DOCK4: variants seen among roughly 807,000 people sequenced by gnomAD.
The protein encoded by DOCK4 is dedicator of cytokinesis 4.
DOCK4 carries 97 observed loss-of-function variants against 268.1 expected under a neutral mutation model. The ratio of observed to expected loss-of-function variants is 0.36; its 90% CI spans 0.31 to 0.43. The LOEUF (loss-of-function observed/expected upper bound fraction) is 0.43, where lower values mean the gene tolerates loss of function less well. Ranked by LOEUF, DOCK4 falls within the 20% of genes least tolerant of loss-of-function variation. The pLI, the probability that DOCK4 is intolerant of heterozygous loss-of-function variation, is 1.00. For missense variants in DOCK4, 2,145 were observed against 2,455.7 expected (o/e 0.87, Z 2.67); for synonymous variants, 954 against 887.2 (o/e 1.08, Z -1.34).
chr7:112,002,142 A>G (rs961743290), intron 2 of DOCK4, among the ~76,000 whole-genome samples: 1 of 152,328 alleles, frequency 6.6e-6, no homozygotes, highest in African/African-American at 2.4e-5. Flanking sequence ...ACATTTTCTT[A>G]AAAGGATATA....
rs193302400 is a variant in DOCK4 at position 111,766,635 on chromosome 7, T to C, written c.3915+397A>G. Among the ~76,000 whole-genome samples the C allele has an allele frequency of 4.5e-4, 69 of 152,344 alleles. No individual in the cohort carries two copies. The East Asian group carries it at 0.012, about 27-fold the overall frequency. ...AAAGAGAGGTGACACCTACAGAATT[T>C]GGCCCTAAATTATTTAGAAATAGGT... On this transcript the variant is annotated intron_variant, in intron 38 of 52. Transcript: ENST00000428084.
chr7:111,850,859 G>A (rs1039810862), intron 23 of DOCK4, among the ~76,000 whole-genome samples: 5 of 151,964 alleles, frequency 3.3e-5, no homozygotes, highest in Admixed American at 1.3e-4. Flanking sequence ...CACCTACACC[G>A]AAGTGATTAA....
chr7:111,829,601 T>C (rs1172781128), intron 26 of DOCK4, among the ~76,000 whole-genome samples: 1 of 152,218 alleles, frequency 6.6e-6, no homozygotes, highest in Non-Finnish European at 1.5e-5. Context: ...ATATCTCTAA[T>C]GTCTAAGCAA....
chr7:111,994,367 T>C (rs1799763076), intron 4 of DOCK4, 136 bp from the exon 5 acceptor site: 3 of 535,450 alleles, frequency 5.6e-6, no homozygotes, highest in Non-Finnish European at 6.6e-6. Context: ...AGGATCTGGT[T>C]ATAAGTTAAT....
At chr7:112,045,431 A>G (rs1334117152) in intron 1 of DOCK4, among the ~76,000 whole-genome samples, 1 of 152,184 alleles carries the variant, frequency 6.6e-6, no homozygotes, top group African/African-American at 2.4e-5. Flanking sequence ...CCTCATTAAA[A>G]TGTTAGCTCT....
intron 1 of DOCK4, among the ~76,000 whole-genome samples, chr7:112,125,236 TC>T (rs796496218): frequency 1.4e-3 from 215 of 152,124 alleles, no homozygotes; most frequent in African/African-American, 4.7e-3. Flanking sequence ...GAGACAATGC[TC>T]CCCCCCTGCC....
intron 40 of DOCK4, 73 bp downstream of exon 40, chr7:111,760,108 C>A: frequency 1.9e-6 from 3 of 1,574,158 alleles, no homozygotes; most frequent in South Asian, 2.3e-5. Context: ...GGCTGAACAA[C>A]CTTGCATGGA....
chr7:112,196,669 T>C (rs1426268897), intron 1 of DOCK4, among the ~76,000 whole-genome samples: 1 of 152,166 alleles, frequency 6.6e-6, no homozygotes, highest in Non-Finnish European at 1.5e-5. Context: ...CAATGGGTCT[T>C]CCTGTCATCT....
intron 1 of DOCK4, among the ~76,000 whole-genome samples, chr7:112,099,377 C>T (rs570756686): frequency 2.6e-5 from 4 of 151,794 alleles, no homozygotes; most frequent in Non-Finnish European, 4.4e-5. Context: ...ATCTATAATG[C>T]GACCCACCAC....
intron 14 of DOCK4, among the ~76,000 whole-genome samples, chr7:111,901,409 C>A (rs114281497): frequency 6.8e-6 from 1 of 148,144 alleles, no homozygotes. Flanking sequence ...ATGAATTAAG[C>A]AAACTGTAAA....
At chr7:112,067,242 T>TAAA (rs76863833) in intron 1 of DOCK4, among the ~76,000 whole-genome samples, 2 of 136,134 alleles carry the variant, frequency 1.5e-5, no homozygotes, top group Non-Finnish European at 1.6e-5. Flanking sequence ...CACCTTTACT[T>TAAA]AAAAAAAAAA....
intron 1 of DOCK4, among the ~76,000 whole-genome samples, chr7:112,079,128 C>T (rs1808357495): frequency 6.6e-6 from 1 of 152,028 alleles, no homozygotes; most frequent in South Asian, 2.1e-4. Context: ...CTCTGTCTCA[C>T]ACAAACAAAC....
chr7:111,755,280 T>C (rs1467453532), intron 42 of DOCK4, among the ~76,000 whole-genome samples: 1 of 152,114 alleles, frequency 6.6e-6, no homozygotes, highest in African/African-American at 2.4e-5. Flanking sequence ...AATAGTTTTT[T>C]TACATGTAGC....
At chr7:111,945,216 G>A (rs773906283) in intron 9 of DOCK4, among the ~76,000 whole-genome samples, 15 of 152,098 alleles carry the variant, frequency 9.9e-5, no homozygotes, top group African/African-American at 2.2e-4. Flanking sequence ...ATGGAGTTTC[G>A]CTCTTGTTGC....
intron 1 of DOCK4, among the ~76,000 whole-genome samples, chr7:112,032,480 C>G (rs1308522798): frequency 6.6e-6 from 1 of 152,150 alleles, no homozygotes; most frequent in Non-Finnish European, 1.5e-5. Flanking sequence ...TCCTTGGCTT[C>G]CATTTCTGAG....
intron 1 of DOCK4, among the ~76,000 whole-genome samples, chr7:112,174,853 G>A (rs1021699492): frequency 7.9e-5 from 12 of 151,672 alleles, no homozygotes; most frequent in African/African-American, 2.4e-4. Flanking sequence ...TTAAAAAGTG[G>A]GTTTTTTGGT....
intron 1 of DOCK4, among the ~76,000 whole-genome samples, chr7:112,198,259 G>A (rs1306114047): frequency 2.0e-5 from 3 of 151,982 alleles, no homozygotes; most frequent in East Asian, 1.9e-4. Flanking sequence ...CCCTACCCAC[G>A]TGAAGATACA....
At position 111,849,959 on chromosome 7, in the gene DOCK4, C is replaced by T. The variant is rs535501563; in HGVS notation, c.2474-2833G>A. On this transcript the variant is annotated intron_variant, in intron 23 of 52. Coordinates refer to ENST00000428084, the MANE Select transcript of DOCK4 (RefSeq NM_001363540.2). The stretch of plus-strand genomic sequence containing the variant: ...GGCCCTACCCTAACTCCACACACAC[C>T]GTGCCCACATTTCAGCTTTCTCTTG... Among the ~76,000 whole-genome samples, 5 of 152,218 alleles carry T rather than the reference C, an allele frequency of 3.3e-5. No homozygotes were observed. The South Asian group carries it at 8.3e-4, about 25-fold the overall frequency.
intron 1 of DOCK4, among the ~76,000 whole-genome samples, chr7:112,145,051 C>T (rs550589778): frequency 1.2e-4 from 18 of 152,110 alleles, no homozygotes; most frequent in Admixed American, 2.0e-4. Flanking sequence ...TATGATGAAA[C>T]GATATCTATT....
Sources: gnomAD v4.1 joint callset for allele counts (sites outside exome capture counted in the v4.1 genomes callset) on GRCh38, gnomAD v4.1.1 for gene constraint, MANE v1.5 for transcripts, NCBI Gene and HGNC (gene_info 2026-07-23, HGNC 2026-07-21) for gene names.